Variants in STK10 observed in about 807,000 individuals in gnomAD.
The protein encoded by STK10 is serine/threonine-protein kinase 10.
A neutral mutation model predicts 113.8 loss-of-function variants in STK10; 78 were observed. The observed-to-expected ratio is 0.69, with a 90% confidence interval of 0.57 to 0.83. STK10 has a LOEUF of 0.83. Ranked by LOEUF, STK10 falls within the 40% of genes least tolerant of loss-of-function variation. STK10 has a pLI of 0.00. For missense variants in STK10, 1,109 were observed against 1,280.1 expected, an observed-to-expected ratio of 0.87 and a Z score of 2.04; for synonymous variants, 465 against 494.7, an observed-to-expected ratio of 0.94 and a Z score of 0.80.
intron 1 of STK10, among the ~76,000 whole-genome samples, chr5:172,171,921 C>T (rs115250748): frequency 1.5e-3 from 234 of 152,194 alleles, no homozygotes; most frequent in Middle Eastern, 3.4e-3. Flanking sequence ...GTGGCTCACA[C>T]CTGTAATCCC....
At chr5:172,056,955 G>GAAGGAAGGAAAGA in intron 15 of STK10, 1 of 59,864 alleles carries the variant, frequency 1.7e-5, no homozygotes, top group South Asian at 5.3e-4. Flanking sequence ...AAGAAAGAAG[G>GAAGGAAGGAAAGA]AAAGAAAGAA....
In STK10 at chr5:172,106,660, C is replaced by T. The variant is rs1353302192; in HGVS notation, c.748G>A (p.Ala250Thr). 6.2e-7 allele frequency: 1 copy of T among 1,613,472 alleles called. No homozygotes were observed. The highest frequency in any genetic ancestry group is 8.5e-7 in the Non-Finnish European group (1 of 1,179,974). Residue 250 changes from alanine to threonine, a missense_variant, in exon 6 of 19, where the codon GCC becomes ACC. Transcript: ENST00000176763. ...LNPMRVLLKIAKSDPPTLLTP... is the reference protein window; with the variant it reads ...LNPMRVLLKITKSDPPTLLTP... ...AGCAGCGTGGGAGGGTCCGACTTGG[C>T]GATCTTTAGCAGGACCCGCATGGGG...
At chr5:172,054,229 A>G (rs1767695513) in intron 17 of STK10, among the ~76,000 whole-genome samples, 1 of 152,090 alleles carries the variant, frequency 6.6e-6, no homozygotes, top group South Asian at 2.1e-4. Flanking sequence ...CCACACCCCA[A>G]CCACCTTTGC....
intron 2 of STK10, among the ~76,000 whole-genome samples, chr5:172,132,474 G>C (rs1342640674): frequency 6.6e-6 from 1 of 151,994 alleles, no homozygotes; most frequent in Non-Finnish European, 1.5e-5. Context: ...CGTGATGAAG[G>C]TCCCAGTGGT....
At chr5:172,116,883 AAAG>A (rs1020610713) in intron 4 of STK10, among the ~76,000 whole-genome samples, 1 of 151,378 alleles carries the variant, frequency 6.6e-6, no homozygotes, top group Non-Finnish European at 1.5e-5. Context: ...AACAACAAAA[AAAG>A]AAGGTTTTGA....
chr5:172,155,193 CA>C (rs1770322827), intron 2 of STK10, among the ~76,000 whole-genome samples: 1 of 152,106 alleles, frequency 6.6e-6, no homozygotes, highest in African/African-American at 2.4e-5. Flanking sequence ...TGGCAATAGA[CA>C]TTAAAGACTC....
Position 172,144,590 on chromosome 5 carries a change from C to T in STK10, c.321+12034G>A, listed in dbSNP as rs181582934. On this transcript the variant is annotated intron_variant, in intron 2 of 18. Coordinates refer to ENST00000176763, the MANE Select transcript of STK10 (RefSeq NM_005990.4). ...AACAATGCTGCCATTTACTAGGCAG[C>T]CTACACCCCCAGGCCTCCCAGGAAC... Among the ~76,000 whole-genome samples the T allele has an allele frequency of 1.6e-4, 24 of 152,000 alleles. No homozygotes were observed. The East Asian group carries it at 2.3e-3, about 15-fold the overall frequency.
chr5:172,173,798 C>A (rs1053026561), intron 1 of STK10, among the ~76,000 whole-genome samples: 2 of 152,220 alleles, frequency 1.3e-5, no homozygotes, highest in African/African-American at 4.8e-5. Flanking sequence ...AGTCACCCCA[C>A]AGAAATGGCA....
intron 18 of STK10, 94 bp downstream of exon 18, chr5:172,052,835 C>T: frequency 8.2e-7 from 1 of 1,222,524 alleles, no homozygotes. Flanking sequence ...CAAGAGTCCA[C>T]CAAAATAAGG....
At position 172,048,297 on chromosome 5, in the gene STK10, A is replaced by G. The variant is rs1027766737; in HGVS notation, c.2767-3275T>C. ...GAAGGAATTCTGCCTCTAGACAGCA[A>G]CAACAACTGGGTCTCCAGCCTGCTG... On this transcript the variant is annotated intron_variant, in intron 18 of 18. Coordinates refer to ENST00000176763, the MANE Select transcript of STK10 (RefSeq NM_005990.4). Among the ~76,000 whole-genome samples the G allele has an allele frequency of 7.9e-5, 12 of 152,098 alleles. No individual in the cohort carries two copies. In the East Asian group the frequency reaches 2.3e-3, roughly 29 times the overall value.
intron 10 of STK10, among the ~76,000 whole-genome samples, chr5:172,085,290 A>G (rs986861543): frequency 2.0e-5 from 3 of 152,010 alleles, no homozygotes; most frequent in African/African-American, 7.3e-5. Flanking sequence ...CCCTAATTAT[A>G]TATATATATT....
At chr5:172,092,708 G>A (rs1036305777) in intron 9 of STK10, 8 of 152,212 alleles carry the variant, frequency 5.3e-5, no homozygotes, top group African/African-American at 1.4e-4. Context: ...TGGGTAGAGG[G>A]TCAGGTGACC....
In STK10 at chr5:172,044,859, C is replaced by T; in HGVS notation, c.*23G>A. On this transcript the variant is annotated 3_prime_UTR_variant, in exon 19 of 19. Coordinates refer to ENST00000176763, the MANE Select transcript of STK10 (RefSeq NM_005990.4). This position sits in a 1 kb window ranked among gnomAD's most constrained non-coding sequence, Gnocchi z 4.5. ...GAAGGCCCTGGGGCCCACCAAGCTG[C>T]CAGCCACAGCCCCGGGCGGTTGTTA... The T allele has an allele frequency of 6.2e-7, 1 of 1,614,060 alleles. No individual in the cohort carries two copies. The highest frequency in any genetic ancestry group is 1.1e-5 in the South Asian group (1 of 91,074).
chr5:172,057,394 G>A lies in STK10; in HGVS notation c.2292C>T (p.Asp764=), dbSNP rs1256373430. 1.9e-6 allele frequency: 3 copies of A among 1,558,994 alleles called. No individual in the cohort carries two copies. Among genetic ancestry groups the A allele is most frequent in the Non-Finnish European group, 2.6e-6 (3 of 1,151,548 alleles). ...GCTCGTGCCGCTGGAGGAAGTACTG[G>A]TCTTTGAGCTGCTGCTTCACCAGCT... ...RHQLVKQQLK[D]QYFLQRHELL... Residue 764 remains aspartate (D), a synonymous_variant, in exon 15 of 19, where the codon GAC becomes GAT. Transcript: ENST00000176763.
rs979732925 is a variant in STK10 at position 172,120,319 on chromosome 5, C to T, written c.371-2689G>A. 3.3e-5 allele frequency among the ~76,000 whole-genome samples: 5 copies of T among 152,222 alleles called. No homozygotes were observed. Among genetic ancestry groups the T allele is most frequent in the South Asian group, 4.1e-4 (2 of 4,828 alleles). On this transcript the variant is annotated intron_variant, in intron 3 of 18. Coordinates refer to ENST00000176763, the MANE Select transcript of STK10 (RefSeq NM_005990.4). This position sits in a 1 kb window ranked among gnomAD's most constrained non-coding sequence, Gnocchi z 4.0. Reference sequence around the variant, plus strand: ...AGGAATCCACAAGGCTCAGCTCTCCCAGCCAGGCCCTCAGGAGTGGTATAA... The same window carrying T: ...AGGAATCCACAAGGCTCAGCTCTCCTAGCCAGGCCCTCAGGAGTGGTATAA...
chr5:172,049,658 A>G (rs779574060), intron 18 of STK10, among the ~76,000 whole-genome samples: 1 of 152,190 alleles, frequency 6.6e-6, no homozygotes, highest in African/African-American at 2.4e-5. Flanking sequence ...GCTAAGACAC[A>G]GTTTGCTTTT....
At chr5:172,055,113 C>T (rs1432847510) in intron 16 of STK10, among the ~76,000 whole-genome samples, 1 of 152,200 alleles carries the variant, frequency 6.6e-6, no homozygotes, top group African/African-American at 2.4e-5. Flanking sequence ...GGTGAATTCA[C>T]CATGAGGCTG....
chr5:172,168,354 T>C (rs1327300933), intron 1 of STK10, among the ~76,000 whole-genome samples: 1 of 152,140 alleles, frequency 6.6e-6, no homozygotes, highest in Non-Finnish European at 1.5e-5. Flanking sequence ...ACAGCAGAAC[T>C]GACTATGTGC....
intron 4 of STK10, among the ~76,000 whole-genome samples, chr5:172,113,182 G>A (rs1283582676): frequency 6.6e-6 from 1 of 152,100 alleles, no homozygotes; most frequent in Non-Finnish European, 1.5e-5. Context: ...ACCCAGTAGG[G>A]GCCAGGATGT....
Sources: allele counts gnomAD v4.1 joint callset (sites outside exome capture counted in the v4.1 genomes callset), GRCh38; gene constraint gnomAD v4.1.1; non-coding constraint Gnocchi (gnomAD v3.1); transcripts MANE v1.5; gene names NCBI Gene and HGNC (gene_info 2026-07-23, HGNC 2026-07-21).